Variants in PPP4R3B observed in about 807,000 individuals in gnomAD.
PPP4R3B encodes the protein serine/threonine-protein phosphatase 4 regulatory subunit 3B.
A neutral mutation model predicts 95.4 loss-of-function variants in PPP4R3B; 52 were observed. That is an observed-to-expected ratio of 0.54 (90% CI 0.44 to 0.69). The LOEUF (loss-of-function observed/expected upper bound fraction) is 0.69. Among genes scored for constraint, PPP4R3B ranks in the 30% least tolerant of loss-of-function variants. PPP4R3B has a pLI of 0.00. For synonymous variants in PPP4R3B, 407 were observed against 343.9 expected, an observed-to-expected ratio of 1.18 and a Z score of -2.03; for missense variants, 1,003 against 1,005.9, an observed-to-expected ratio of 1.00 and a Z score of 0.04.
At chr2:55,590,157 G>A (rs941705074) in intron 4 of PPP4R3B, among the ~76,000 whole-genome samples, 38 of 150,274 alleles carry the variant, frequency 2.5e-4, no homozygotes, top group African/African-American at 8.6e-4. Flanking sequence ...GAGAAACCCC[G>A]TCTCCACTAA....
intron 15 of PPP4R3B, among the ~76,000 whole-genome samples, chr2:55,561,113 C>G (rs1200028042): frequency 6.6e-6 from 1 of 152,118 alleles, no homozygotes; most frequent in Non-Finnish European, 1.5e-5. Context: ...CACCCTGCAT[C>G]CCAGGTGCTG....
intron 12 of PPP4R3B, among the ~76,000 whole-genome samples, chr2:55,570,415 T>A (rs1461657432): frequency 6.6e-6 from 1 of 152,220 alleles, no homozygotes; most frequent in Non-Finnish European, 1.5e-5. Context: ...AAGTACAACT[T>A]GACTTCACAT....
intron 15 of PPP4R3B, among the ~76,000 whole-genome samples, chr2:55,563,831 A>C (rs190286120): frequency 1.3e-5 from 2 of 152,346 alleles, no homozygotes; most frequent in African/African-American, 4.8e-5. Flanking sequence ...CACATCTGAA[A>C]GCCAGGGGAA....
At chr2:55,601,366 C>G (rs1177517225) in intron 3 of PPP4R3B, among the ~76,000 whole-genome samples, 1 of 151,756 alleles carries the variant, frequency 6.6e-6, no homozygotes, top group Non-Finnish European at 1.5e-5. Context: ...GATGATGAAC[C>G]AGACCAACTG....
chr2:55,557,238 G>A (rs546327503), intron 16 of PPP4R3B, among the ~76,000 whole-genome samples: 248 of 152,268 alleles, frequency 1.6e-3, no homozygotes, highest in Non-Finnish European at 2.7e-3. Flanking sequence ...TCTTGTTTAG[G>A]CTGGAGTGCA....
At chr2:55,565,640 T>A (rs1174918529) in intron 13 of PPP4R3B, 1 of 156,646 alleles carries the variant, frequency 6.4e-6, no homozygotes, top group Admixed American at 6.3e-5. Flanking sequence ...AAGAAAAACA[T>A]ATTTTTCAAC....
At chr2:55,586,509 T>C (rs894114340) in intron 6 of PPP4R3B, 109 bp downstream of exon 6, 12 of 597,766 alleles carry the variant, frequency 2.0e-5, no homozygotes, top group South Asian at 8.6e-5. Flanking sequence ...TCAATTAAGA[T>C]AGCTAAACTA....
chr2:55,599,731 C>T (rs897138518), intron 3 of PPP4R3B, among the ~76,000 whole-genome samples: 1 of 152,184 alleles, frequency 6.6e-6, no homozygotes, highest in Non-Finnish European at 1.5e-5. Flanking sequence ...GTCTATAATC[C>T]TATCGTCATC....
intron 16 of PPP4R3B, among the ~76,000 whole-genome samples, chr2:55,555,950 C>A (rs746825176): frequency 6.6e-6 from 1 of 152,200 alleles, no homozygotes; most frequent in South Asian, 2.1e-4. Context: ...ATACGTTTTA[C>A]AGTTACACAA....
chr2:55,605,825 G>A (rs546682695), intron 2 of PPP4R3B, among the ~76,000 whole-genome samples: 1 of 149,482 alleles, frequency 6.7e-6, no homozygotes, highest in Non-Finnish European at 1.5e-5. Context: ...AGAATCGCTT[G>A]AACCGGGGAG....
rs536359330 is a variant in PPP4R3B at position 55,598,327 on chromosome 2, A to C, written c.921+89T>G. On this transcript the variant is annotated intron_variant, in intron 4 of 16. Transcript: ENST00000616407. ...TACATTTAAACAAAATAAATCTTTC[A>C]AAAAATAGAGGGTATAAACACCTGC... is the stretch of plus-strand genomic sequence containing the variant. 3.8e-6 allele frequency: 5 copies of C among 1,324,022 alleles called. No individual in the cohort carries two copies. The East Asian group carries it at 1.2e-4, about 32-fold the overall frequency. The allele number at this position is 1,324,022 out of a possible 1,614,324, so 82.0% of individuals were successfully genotyped here.
At chr2:55,610,869 GT>G (rs11413034) in intron 2 of PPP4R3B, among the ~76,000 whole-genome samples, 13 of 140,474 alleles carry the variant, frequency 9.3e-5, no homozygotes, top group Admixed American at 2.1e-4. Flanking sequence ...TATGACTCTG[GT>G]TTTTTTTTTT....
intron 12 of PPP4R3B, among the ~76,000 whole-genome samples, chr2:55,569,203 T>C (rs962696725): frequency 2.0e-5 from 3 of 152,068 alleles, no homozygotes; most frequent in Non-Finnish European, 2.9e-5. Context: ...GGCTCCTTGG[T>C]CTAGCGGTAA....
intron 12 of PPP4R3B, among the ~76,000 whole-genome samples, chr2:55,571,726 A>C (rs1688026377): frequency 6.6e-6 from 1 of 152,170 alleles, no homozygotes; most frequent in Non-Finnish European, 1.5e-5. Context: ...CCCGGGTTCA[A>C]GTGATTCTCC....
intron 16 of PPP4R3B, among the ~76,000 whole-genome samples, chr2:55,553,488 A>G (rs1474587857): frequency 6.6e-6 from 1 of 152,218 alleles, no homozygotes; most frequent in African/African-American, 2.4e-5. Context: ...TCACCATTTC[A>G]GAGCATATAA....
rs193195738 is a variant in PPP4R3B, at chr2:55,596,217, A to T, written c.921+2199T>A. On this transcript the variant is annotated intron_variant, in intron 4 of 16. Coordinates refer to ENST00000616407, the MANE Select transcript of PPP4R3B (RefSeq NM_001122964.3). ...TGCAAGGACTCATTTAATTTTACAT[A>T]AACACGCTCTTTGAGGCCGAAGCAA... Among the ~76,000 whole-genome samples, 34 of 152,340 alleles carry T rather than the reference A, an allele frequency of 2.2e-4. No homozygotes were observed. The East Asian group carries it at 5.4e-3, about 24-fold the overall frequency.
intron 14 of PPP4R3B, 83 bp downstream of exon 14, chr2:55,564,819 T>C: frequency 6.6e-7 from 1 of 1,523,176 alleles, no homozygotes; most frequent in Non-Finnish European, 8.9e-7. Flanking sequence ...AATTCCTCAG[T>C]AAATTTCACA....
chr2:55,565,671 C>T lies in PPP4R3B; in HGVS notation c.1936-630G>A, dbSNP rs926704175. On this transcript the variant is annotated intron_variant, in intron 13 of 16. Transcript: ENST00000616407. The stretch of plus-strand genomic sequence containing the variant: ...TCAACAAACAGGTCTTATTTAATGA[C>T]TTCCTGTTTAACTGCTATCAAAATG... 18 of 195,440 alleles carry T rather than the reference C, an allele frequency of 9.2e-5. 1 individual carries two copies. The highest frequency in any genetic ancestry group is 3.0e-4 in the African/African-American group (13 of 42,828). The allele number at this position is 195,440 out of a possible 1,614,324, so 12.1% of individuals were successfully genotyped here. A position where few individuals can be genotyped will look rare whatever the true frequency, so the allele number is the denominator to read the frequency against.
intron 4 of PPP4R3B, among the ~76,000 whole-genome samples, 184 bp from the exon 5 acceptor site, chr2:55,589,140 T>C (rs1690600866): frequency 1.3e-5 from 2 of 150,620 alleles, no homozygotes; most frequent in African/African-American, 4.9e-5. Context: ...CAATTCTTGT[T>C]ATAAATACAT....
Sources: gnomAD v4.1 joint callset for allele counts (sites outside exome capture counted in the v4.1 genomes callset) on GRCh38, gnomAD v4.1.1 for gene constraint, MANE v1.5 for transcripts, NCBI Gene and HGNC (gene_info 2026-07-23, HGNC 2026-07-21) for gene names.